LNX1: variants seen among roughly 807,000 people sequenced by gnomAD.
The protein encoded by LNX1 is E3 ubiquitin-protein ligase LNX.
A neutral mutation model predicts 68.4 loss-of-function variants in LNX1; 54 were observed. That is an observed-to-expected ratio of 0.79 (90% confidence interval 0.63 to 0.99). The LOEUF is 0.99. LNX1 is among the 50% of genes least tolerant of loss of function. The probability of loss-of-function intolerance (pLI) is 0.00; values close to 1 mark genes in which losing one functional copy is unlikely to be tolerated. For synonymous variants in LNX1, 336 were observed against 350.0 expected (o/e 0.96, Z 0.45); for missense variants, 906 against 926.4 (o/e 0.98, Z 0.29).
intron 9 of LNX1, among the ~76,000 whole-genome samples, chr4:53,472,853 G>A (rs951189097): frequency 6.6e-6 from 1 of 152,078 alleles, no homozygotes; most frequent in African/African-American, 2.4e-5. Context: ...GTTCCAGAGA[G>A]TTGTTATATT....
At chr4:53,473,731 C>G (rs2109396514) in intron 9 of LNX1, among the ~76,000 whole-genome samples, 1 of 152,138 alleles carries the variant, frequency 6.6e-6, no homozygotes, top group Middle Eastern at 3.4e-3. Context: ...GTACTGAACT[C>G]ATCTGTACAA....
At chr4:53,580,862 C>A (rs1229009865) in intron 1 of LNX1, among the ~76,000 whole-genome samples, 1 of 152,030 alleles carries the variant, frequency 6.6e-6, no homozygotes, top group East Asian at 1.9e-4. Context: ...AATCTCATTC[C>A]AAAATGTACC....
At chr4:53,611,919 T>C (rs1733513630) in intron 2 of LNX1, among the ~76,000 whole-genome samples, 1 of 152,136 alleles carries the variant, frequency 6.6e-6, no homozygotes, top group South Asian at 2.1e-4. Context: ...CAGTATAACT[T>C]TTCAGGCAGA....
rs533891603 is a variant in LNX1, at chr4:53,538,414, T to A, written c.381-30187A>T. On this transcript the variant is annotated intron_variant, in intron 2 of 10. Transcript: ENST00000263925. Reference sequence around the variant, plus strand: ...GTTCTGCTGTATTTGGGGCTCCCACTAACTCCAAGGAAAATTAGTGGAGGA... The same window carrying A: ...GTTCTGCTGTATTTGGGGCTCCCACAAACTCCAAGGAAAATTAGTGGAGGA... Among the ~76,000 whole-genome samples, 67 of 152,274 alleles carry A rather than the reference T, an allele frequency of 4.4e-4. 1 individual carries two copies. The South Asian group carries it at 0.013, about 30-fold the overall frequency.
chr4:53,536,757 T>A (rs4864789), intron 2 of LNX1, among the ~76,000 whole-genome samples: 9,198 of 152,256 alleles, frequency 0.06, 533 homozygotes, highest in African/African-American at 0.15. Context: ...CTCCTTTGTT[T>A]TTCTATAATT....
At chr4:53,540,862 A>G (rs1728711319) in intron 2 of LNX1, among the ~76,000 whole-genome samples, 1 of 151,776 alleles carries the variant, frequency 6.6e-6, no homozygotes, top group South Asian at 2.1e-4. Context: ...GAGAGCTGGG[A>G]ATGGTGGCTG....
At chr4:53,539,915 C>T (rs1257630922) in intron 2 of LNX1, among the ~76,000 whole-genome samples, 5 of 152,232 alleles carry the variant, frequency 3.3e-5, no homozygotes, top group Non-Finnish European at 7.3e-5. Context: ...TTCTACTGTC[C>T]TTGCATGGGG....
intron 2 of LNX1, among the ~76,000 whole-genome samples, chr4:53,560,875 A>G (rs1298174524): frequency 1.3e-5 from 2 of 152,216 alleles, no homozygotes. Flanking sequence ...ATGTAATCCT[A>G]ATTAATACAA....
At chr4:53,577,786 C>T (rs1731592714) in intron 1 of LNX1, among the ~76,000 whole-genome samples, 1 of 152,098 alleles carries the variant, frequency 6.6e-6, no homozygotes, top group Non-Finnish European at 1.5e-5. Flanking sequence ...TTAAAAAAAA[C>T]TTGCAAACCA....
upstream of LNX1, among the ~76,000 whole-genome samples, chr4:53,617,938 G>T (rs1204064409): frequency 6.6e-6 from 1 of 152,120 alleles, no homozygotes; most frequent in Non-Finnish European, 1.5e-5. Context: ...TCCCTGGAAA[G>T]ATAGATATCT....
chr4:53,594,803 C>T (rs555392374), upstream of LNX1, among the ~76,000 whole-genome samples: 1 of 152,154 alleles, frequency 6.6e-6, no homozygotes, highest in South Asian at 2.1e-4. Context: ...CCCCAACCTC[C>T]TGGGCTCAAG....
At chr4:53,499,528 G>C (rs749610087) in intron 4 of LNX1, among the ~76,000 whole-genome samples, 19 of 152,106 alleles carry the variant, frequency 1.2e-4, no homozygotes, top group Admixed American at 4.6e-4. Flanking sequence ...GCTGTTCCAT[G>C]GTTCTCTGCA....
intron 2 of LNX1, among the ~76,000 whole-genome samples, chr4:53,555,331 C>A (rs1476822596): frequency 6.6e-6 from 1 of 152,140 alleles, no homozygotes; most frequent in African/African-American, 2.4e-5. Flanking sequence ...CTTACCATCC[C>A]TGAAATACTT....
At chr4:53,529,239 G>A (rs968589654) in intron 2 of LNX1, among the ~76,000 whole-genome samples, 28 of 152,070 alleles carry the variant, frequency 1.8e-4, no homozygotes, top group Non-Finnish European at 3.2e-4. Context: ...GCTGGAGCTG[G>A]ACTGAGAAAC....
At chr4:53,485,192 A>T (rs1328064578) in intron 6 of LNX1, among the ~76,000 whole-genome samples, 2 of 152,204 alleles carry the variant, frequency 1.3e-5, no homozygotes, top group African/African-American at 4.8e-5. Flanking sequence ...AAAACTTACT[A>T]AAAGATAAGA....
chr4:53,532,259 T>C (rs1356730810), intron 2 of LNX1, among the ~76,000 whole-genome samples: 2 of 152,186 alleles, frequency 1.3e-5, no homozygotes, highest in Non-Finnish European at 2.9e-5. Flanking sequence ...GCAGATCACC[T>C]GAGGTCAGGA....
At chr4:53,591,504 G>GT, upstream of LNX1, 1 of 985,584 alleles carries the variant, frequency 1.0e-6, no homozygotes, top group African/African-American at 1.7e-5. Context: ...CTCAACTTCG[G>GT]TGAACAGGTG....
At chr4:53,529,637 C>T (rs1727878385) in intron 2 of LNX1, among the ~76,000 whole-genome samples, 3 of 152,210 alleles carry the variant, frequency 2.0e-5, no homozygotes, top group Admixed American at 2.0e-4. Context: ...CGGCATCTGA[C>T]AGCTCCATGT....
chr4:53,548,392 G>A (rs1729256946), intron 2 of LNX1, among the ~76,000 whole-genome samples: 1 of 152,082 alleles, frequency 6.6e-6, no homozygotes, highest in Non-Finnish European at 1.5e-5. Context: ...TTTTATCATG[G>A]ATGTATTAAT....
Sources: gnomAD v4.1 joint callset for allele counts (sites outside exome capture counted in the v4.1 genomes callset) on GRCh38, gnomAD v4.1.1 for gene constraint, MANE v1.5 for transcripts, NCBI Gene and HGNC (gene_info 2026-07-23, HGNC 2026-07-21) for gene names.